The following IQANK1 variants were observed in gnomAD, a reference collection of about 807,000 sequenced individuals.
IQANK1 encodes the protein IQ motif and ankyrin repeat domain-containing protein 1.
In IQANK1, 30 loss-of-function variants were observed where a neutral mutation model predicts 22.6. The observed-to-expected ratio is 1.33, with a 90% CI of 0.99 to 1.80. IQANK1 has a LOEUF of 1.80. Among genes scored for constraint, IQANK1 ranks in the 40% most tolerant of loss-of-function variants. The pLI is 0.00. For synonymous variants in IQANK1, 122 were observed against 99.6 expected (o/e 1.23, Z -1.34); for missense variants, 275 against 235.2 (o/e 1.17, Z -1.11).
rs1180558826 is a variant in IQANK1, at chr8:143,735,868, G to A, written c.15G>A (p.Lys5=). Residue 5 remains lysine (K), a synonymous_variant, in exon 2 of 14, where the codon AAG becomes AAA. Transcript: ENST00000527139. The surrounding 1 kb of genome is among the most constrained non-coding windows in gnomAD (Gnocchi z 5.2). ...CCCCCAGGAGAATGGACAGTAAGAA[G>A]GGGAGACCCAAAGCTGCAGCTGGGA... The part of the protein sequence containing the change: MDSK[K]GRPKAAAGKW... 1 of 702,564 alleles carries A rather than the reference G, an allele frequency of 1.4e-6. No homozygotes were observed. Among genetic ancestry groups the A allele is most frequent in the Non-Finnish European group, 2.6e-6 (1 of 384,936 alleles). 43.5% of individuals were successfully genotyped at this position (702,564 alleles called of 1,614,324 possible).
chr8:143,790,049 T>A lies in IQANK1; in HGVS notation c.1274T>A (p.Ile425Asn). The change falls in exon 12 of 14, where the codon ATC becomes AAC. Residue 425 changes from isoleucine to asparagine, a missense_variant. Ile to Asn is a moderately radical substitution (Grantham distance 149). Coordinates refer to ENST00000527139, the MANE Select transcript of IQANK1 (RefSeq NM_001381874.1). ...CTGATGAAAGATGTAGGCAACCGCA[T>A]CCGTGCCGATGGCCGGTCAGTTCTC... is the stretch of plus-strand genomic sequence containing the variant. The part of the protein sequence containing the change: ...DVLMKDVGNR[I>N]RADGRWPLVI... 7.3e-6 allele frequency: 9 copies of A among 1,232,090 alleles called. No individual in the cohort carries two copies. The highest frequency in any genetic ancestry group is 9.1e-6 in the Non-Finnish European group (9 of 987,998). The allele number at this position is 1,232,090 out of a possible 1,614,324, so 76.3% of individuals were successfully genotyped here.
chr8:143,752,257 C>T (rs1211823817), intron 3 of IQANK1, among the ~76,000 whole-genome samples: 1 of 152,166 alleles, frequency 6.6e-6, no homozygotes, highest in Non-Finnish European at 1.5e-5. Context: ...TGAGCCACCA[C>T]ACCCAGCCTT....
At chr8:143,751,298 AAATAATTTAAAAAT>A (rs1341631874) in intron 3 of IQANK1, among the ~76,000 whole-genome samples, 5 of 152,120 alleles carry the variant, frequency 3.3e-5, no homozygotes, top group Non-Finnish European at 4.4e-5. Flanking sequence ...AGTAGCTTTT[AAATAATTTAAAAAT>A]AATAATTTAA....
intron 3 of IQANK1, chr8:143,744,184 C>G (rs1818982853): frequency 6.0e-6 from 1 of 167,296 alleles, no homozygotes; most frequent in East Asian, 1.9e-4. Context: ...CCCGGGTAAT[C>G]TGGGATGTTC....
rs1819952093 is a variant in IQANK1, at chr8:143,788,977, C to CATGCTCCAGAACATGGAGGCT, written c.853_873dup (p.Met285_Ala291dup). ...CGTGGGACCTGAGCCTCACGGAGGC[C>CATGCTCCAGAACATGGAGGCT]ATGCTCCAGAACATGGAGGCTGAGC... is the stretch of plus-strand genomic sequence containing the variant. On this transcript the variant is annotated inframe_insertion, in exon 8 of 14. Transcript: ENST00000527139. 7.5e-6 allele frequency: 3 copies of CATGCTCCAGAACATGGAGGCT among 399,540 alleles called. No homozygotes were observed. The Admixed American group carries it at 1.3e-4, about 18-fold the overall frequency. 24.7% of individuals were successfully genotyped at this position (399,540 alleles called of 1,614,324 possible).
At chr8:143,739,621 C>T in intron 2 of IQANK1, 1 of 419,488 alleles carries the variant, frequency 2.4e-6, no homozygotes, top group Non-Finnish European at 4.2e-6. Flanking sequence ...CAGGTGCCTT[C>T]CTGCGGGCTG....
chr8:143,774,510 G>A lies in IQANK1; in HGVS notation c.789+2028G>A, dbSNP rs1219641456. Among the ~76,000 whole-genome samples, 3 of 152,202 alleles carry A rather than the reference G, an allele frequency of 2.0e-5. No homozygotes were observed. The highest frequency in any genetic ancestry group is 2.9e-5 in the Non-Finnish European group (2 of 68,040). ...GGTCAAACTAGAGCTGGAGCCGAAC[G>A]AGGGCAGGGATGTGGGGAAGCTGGC... On this transcript the variant is annotated intron_variant, in intron 7 of 13. Transcript: ENST00000527139. The surrounding 1 kb of genome is among the most constrained non-coding windows in gnomAD (Gnocchi z 4.2).
chr8:143,780,105 A>C (rs1446762002), intron 7 of IQANK1, among the ~76,000 whole-genome samples: 1 of 152,190 alleles, frequency 6.6e-6, no homozygotes, highest in Non-Finnish European at 1.5e-5. Context: ...CAAGAAATAA[A>C]GTATCGCCAG....
At chr8:143,788,756 G>A (rs1369093379) in intron 7 of IQANK1, among the ~76,000 whole-genome samples, 159 bp from the exon 8 acceptor site, 1 of 152,202 alleles carries the variant, frequency 6.6e-6, no homozygotes, top group African/African-American at 2.4e-5. Flanking sequence ...GCCCCACAGG[G>A]GCTCATGCTT....
At chr8:143,768,510 G>A (rs1459926887) in intron 3 of IQANK1, among the ~76,000 whole-genome samples, 6 of 152,132 alleles carry the variant, frequency 3.9e-5, no homozygotes, top group African/African-American at 1.2e-4. Flanking sequence ...GTGCGCCGGC[G>A]GACATACGTC....
chr8:143,746,092 A>G (rs566885223), intron 3 of IQANK1: 6 of 152,356 alleles, frequency 3.9e-5, no homozygotes, highest in African/African-American at 7.2e-5. Flanking sequence ...ATATAAAATC[A>G]TATCATTGGC....
At chr8:143,754,474 T>C (rs1196158750) in intron 3 of IQANK1, among the ~76,000 whole-genome samples, 2 of 152,138 alleles carry the variant, frequency 1.3e-5, no homozygotes, top group Admixed American at 1.3e-4. Context: ...TGAAATTCAG[T>C]TCCTTGTGGG....
chr8:143,748,419 T>G (rs527562274), intron 3 of IQANK1, among the ~76,000 whole-genome samples: 134 of 146,322 alleles, frequency 9.2e-4, no homozygotes, highest in Non-Finnish European at 1.6e-3. Context: ...TGTTGGCTTT[T>G]GCTTCATATA....
chr8:143,781,464 T>A (rs1268038605), intron 7 of IQANK1, among the ~76,000 whole-genome samples: 1 of 152,214 alleles, frequency 6.6e-6, no homozygotes, highest in African/African-American at 2.4e-5. Context: ...AGTTTTACAT[T>A]TAAGTCTTTA....
At chr8:143,734,709 C>T (rs1818677318) in intron 1 of IQANK1, among the ~76,000 whole-genome samples, 1 of 152,050 alleles carries the variant, frequency 6.6e-6, no homozygotes, top group Non-Finnish European at 1.5e-5. Flanking sequence ...CACACTGACT[C>T]TGAGAGCACA....
chr8:143,747,972 C>CCCTTT (rs1819066720), intron 3 of IQANK1, among the ~76,000 whole-genome samples: 1 of 50,712 alleles, frequency 2.0e-5, no homozygotes. Context: ...CCTTTCCTTT[C>CCCTTT]CCTTTCCTTT....
At chr8:143,738,181 C>T (rs1818794919) in intron 2 of IQANK1, among the ~76,000 whole-genome samples, 1 of 152,170 alleles carries the variant, frequency 6.6e-6, no homozygotes, top group African/African-American at 2.4e-5. Flanking sequence ...CCGGCTGGGC[C>T]CTGCCTGCCC....
chr8:143,742,360 C>CG, intron 3 of IQANK1: 3 of 455,660 alleles, frequency 6.6e-6, no homozygotes, highest in Non-Finnish European at 1.3e-5. Context: ...CTACAGCATG[C>CG]GGGGGAGGTC....
At chr8:143,749,114 A>G (rs1362448305) in intron 3 of IQANK1, among the ~76,000 whole-genome samples, 1 of 123,014 alleles carries the variant, frequency 8.1e-6, no homozygotes, top group African/African-American at 3.3e-5. Context: ...TATGATATAA[A>G]CGTATATATA....
Sources: allele counts gnomAD v4.1 joint callset (sites outside exome capture counted in the v4.1 genomes callset), GRCh38; gene constraint gnomAD v4.1.1; non-coding constraint Gnocchi (gnomAD v3.1); transcripts MANE v1.5; gene names NCBI Gene and HGNC (gene_info 2026-07-23, HGNC 2026-07-21).